Variants in XPNPEP3 observed in about 807,000 individuals in gnomAD.
The protein encoded by XPNPEP3 is X-prolyl aminopeptidase 3, also known as xaa-Pro aminopeptidase 3.
In XPNPEP3, 41 loss-of-function variants were observed where a neutral mutation model predicts 60.0. That is an observed-to-expected ratio of 0.68 (90% CI 0.53 to 0.89). XPNPEP3 has a LOEUF of 0.89. Ranked by LOEUF, XPNPEP3 falls within the 40% of genes least tolerant of loss-of-function variation. XPNPEP3 has a pLI of 0.00. For synonymous variants in XPNPEP3, 212 were observed against 223.2 expected (o/e 0.95, Z 0.45); for missense variants, 598 against 638.9 (o/e 0.94, Z 0.69).
chr22:40,896,404 G>C (rs2058108280), intron 4 of XPNPEP3, among the ~76,000 whole-genome samples: 1 of 152,096 alleles, frequency 6.6e-6, no homozygotes, highest in African/African-American at 2.4e-5. Flanking sequence ...GGTGGCGCAT[G>C]CCTGCAATCC....
chr22:40,924,445 C>T lies in XPNPEP3; in HGVS notation c.1320C>T (p.Leu440=), dbSNP rs767607075. The change falls in exon 9 of 10, where the codon CTC becomes CTT. Residue 440 remains leucine, a synonymous_variant. Transcript: ENST00000357137. Reference sequence around the variant, plus strand: ...ACACTCCAGACATGCCCCGTTCCCTCCCTCTGCAGCCTGGGATGGTAATCA... The same window carrying T: ...ACACTCCAGACATGCCCCGTTCCCTTCCTCTGCAGCCTGGGATGGTAATCA... ...VHDTPDMPRS[L]PLQPGMVITI... The T allele has an allele frequency of 8.1e-6, 13 of 1,614,068 alleles. No individual in the cohort carries two copies. Among genetic ancestry groups the T allele is most frequent in the Admixed American group, 3.3e-5 (2 of 59,992 alleles).
chr22:40,880,544 A>G (rs1295921282), intron 2 of XPNPEP3, among the ~76,000 whole-genome samples: 1 of 151,106 alleles, frequency 6.6e-6, no homozygotes, highest in African/African-American at 2.4e-5. Context: ...AGGAGAAGGG[A>G]ATAGGGATAA....
At chr22:40,875,146 C>T (rs1287944057) in intron 2 of XPNPEP3, among the ~76,000 whole-genome samples, 1 of 152,084 alleles carries the variant, frequency 6.6e-6, no homozygotes, top group South Asian at 2.1e-4. Context: ...TATTTTCTCA[C>T]CCCAATGTAC....
rs1049842548 is a variant in XPNPEP3, at chr22:40,929,517, C to G, written c.*3082C>G. ...ATCATTTTCTATGGTCTAAACTTTTCTAGCTAAAAGCCTAGGTAGCTTGTA... is the reference window on the plus strand; with the variant it reads ...ATCATTTTCTATGGTCTAAACTTTTGTAGCTAAAAGCCTAGGTAGCTTGTA... On this transcript the variant is annotated 3_prime_UTR_variant, in exon 10 of 10. Transcript: ENST00000357137. 1 of 152,128 alleles carries G rather than the reference C, an allele frequency of 6.6e-6. No individual in the cohort carries two copies. Among genetic ancestry groups the G allele is most frequent in the Non-Finnish European group, 1.5e-5 (1 of 68,026 alleles). The allele number at this position is 152,128 out of a possible 1,614,324, so 9.4% of individuals were successfully genotyped here. A position where few individuals can be genotyped will look rare whatever the true frequency, so the allele number is the denominator to read the frequency against.
intron 2 of XPNPEP3, chr22:40,870,456 G>A (rs2057999564): frequency 6.5e-6 from 1 of 154,160 alleles, no homozygotes; most frequent in Admixed American, 6.5e-5. Flanking sequence ...TGAATATCTG[G>A]GGGAAAAGGG....
rs374283882 is a variant in XPNPEP3, at chr22:40,890,970, G to C, written c.792+4455G>C. 1.1e-3 allele frequency among the ~76,000 whole-genome samples: 166 copies of C among 152,086 alleles called. 5 individuals carry two copies. The South Asian group carries it at 0.033, about 31-fold the overall frequency. On this transcript the variant is annotated intron_variant, in intron 4 of 9. Transcript: ENST00000357137. ...ATATACTGTATATTATTTCTCATAG[G>C]AGTCTAAATCAGAGGTCATATCTCT... is the stretch of plus-strand genomic sequence containing the variant.
chr22:40,906,448 A>G (rs1375928195), intron 4 of XPNPEP3, among the ~76,000 whole-genome samples: 3 of 151,742 alleles, frequency 2.0e-5, no homozygotes, highest in South Asian at 2.1e-4. Context: ...GCACACACAT[A>G]TAGTGTGGTT....
intron 1 of XPNPEP3, chr22:40,862,643 G>A: frequency 2.0e-6 from 2 of 985,452 alleles, no homozygotes; most frequent in South Asian, 4.7e-5. Context: ...CCTCTTGGAG[G>A]AAGTAGCCTG....
chr22:40,920,602 A>G (rs1034362521), intron 7 of XPNPEP3, among the ~76,000 whole-genome samples: 39 of 152,230 alleles, frequency 2.6e-4, no homozygotes, highest in African/African-American at 8.7e-4. Flanking sequence ...TAGGCAACAA[A>G]CTGTTAGAAC....
intron 4 of XPNPEP3, among the ~76,000 whole-genome samples, chr22:40,901,587 C>T (rs1235841965): frequency 6.6e-6 from 1 of 152,150 alleles, no homozygotes; most frequent in African/African-American, 2.4e-5. Context: ...TGGCTCATGC[C>T]TGTAGGCCCA....
At chr22:40,868,451 G>GTGTA (rs1300718102) in intron 1 of XPNPEP3, among the ~76,000 whole-genome samples, 2 of 151,824 alleles carry the variant, frequency 1.3e-5, no homozygotes, top group East Asian at 1.9e-4. Flanking sequence ...GTGTGTGTGT[G>GTGTA]TGTATGTGTA....
At chr22:40,864,684 A>G (rs1277069281) in intron 1 of XPNPEP3, among the ~76,000 whole-genome samples, 2 of 152,142 alleles carry the variant, frequency 1.3e-5, no homozygotes, top group African/African-American at 4.8e-5. Context: ...ACCTCAGGTG[A>G]TCTGCCCGCC....
intron 4 of XPNPEP3, among the ~76,000 whole-genome samples, chr22:40,891,900 C>T (rs1003285232): frequency 3.3e-5 from 5 of 152,166 alleles, no homozygotes; most frequent in Non-Finnish European, 7.3e-5. Context: ...ATGAGTCTCC[C>T]ATGCATGCAC....
chr22:40,930,051 G>T lies in XPNPEP3; in HGVS notation c.*3616G>T, dbSNP rs2058249075. ...TCATAAACTTCTAAGGGTAAAAAGT[G>T]AATAAGATAAATTCAGAGTTTTAAG... On this transcript the variant is annotated 3_prime_UTR_variant, in exon 10 of 10. Transcript: ENST00000357137. 6.7e-6 allele frequency: 1 copy of T among 149,880 alleles called. No individual in the cohort carries two copies. The highest frequency in any genetic ancestry group is 2.4e-5 in the African/African-American group (1 of 40,832). 9.3% of individuals were successfully genotyped at this position (149,880 alleles called of 1,614,324 possible).
chr22:40,860,823 A>T, intron 1 of XPNPEP3: 1 of 640,288 alleles, frequency 1.6e-6, no homozygotes, highest in South Asian at 2.4e-5. Context: ...GCTAATTTTT[A>T]AATTTTTTGT....
intron 3 of XPNPEP3, 143 bp from the exon 4 acceptor site, chr22:40,886,170 G>A (rs565458533): frequency 3.8e-6 from 3 of 795,918 alleles, no homozygotes; most frequent in South Asian, 2.9e-5. Flanking sequence ...CTTCAGTCCT[G>A]AGAGAGTCTT....
At chr22:40,905,523 A>T (rs941916105) in intron 4 of XPNPEP3, among the ~76,000 whole-genome samples, 1 of 152,184 alleles carries the variant, frequency 6.6e-6, no homozygotes, top group Non-Finnish European at 1.5e-5. Context: ...ATTCTGGTGG[A>T]GGAGAGACAG....
chr22:40,904,967 C>G (rs1217519769), intron 4 of XPNPEP3, among the ~76,000 whole-genome samples: 1 of 152,144 alleles, frequency 6.6e-6, no homozygotes, highest in Non-Finnish European at 1.5e-5. Context: ...CAGGATTTCA[C>G]CATGTTGGCC....
At chr22:40,860,195 G>A (rs1246015596) in intron 1 of XPNPEP3, 1 of 152,172 alleles carries the variant, frequency 6.6e-6, no homozygotes, top group African/African-American at 2.4e-5. Flanking sequence ...TCCCACCTCA[G>A]CCTCCTAAGT....
Sources: allele counts gnomAD v4.1 joint callset (sites outside exome capture counted in the v4.1 genomes callset), GRCh38; gene constraint gnomAD v4.1.1; transcripts MANE v1.5; gene names NCBI Gene and HGNC (gene_info 2026-07-23, HGNC 2026-07-21).